The following PGBD5 variants were observed in gnomAD, a reference collection of about 807,000 sequenced individuals.
The protein encoded by PGBD5 is piggyBac transposable element-derived protein 5.
Under a neutral mutation model 47.9 loss-of-function variants are expected in PGBD5, and 14 were observed. The ratio of observed to expected loss-of-function variants is 0.29; its 90% CI spans 0.19 to 0.46. PGBD5 has a LOEUF of 0.46. PGBD5 is among the 20% of genes least tolerant of loss of function. The pLI, the probability that PGBD5 is intolerant of heterozygous loss-of-function variation, is 1.00. For missense variants in PGBD5, 635 were observed against 716.0 expected, an observed-to-expected ratio of 0.89 and a Z score of 1.29; for synonymous variants, 316 against 306.3, an observed-to-expected ratio of 1.03 and a Z score of -0.33.
At chr1:230,344,369 C>G (rs1393642554) in intron 3 of PGBD5, among the ~76,000 whole-genome samples, 1 of 152,152 alleles carries the variant, frequency 6.6e-6, no homozygotes, top group African/African-American at 2.4e-5. Flanking sequence ...TAATTTTAGG[C>G]AAGGCAGCAA....
chr1:230,357,314 G>T lies in PGBD5; in HGVS notation c.339C>A (p.Thr113=). ...PPRFEDTGGP[T]RKMPPSASAV... Reference sequence around the variant, plus strand: ...CACTGGCGCTGGGGGGCATCTTTCGGGTGGGACCTGAAACCCAAAGACAGG... The same window carrying T: ...CACTGGCGCTGGGGGGCATCTTTCGTGTGGGACCTGAAACCCAAAGACAGG... Residue 113 remains threonine (T), a synonymous_variant, in exon 2 of 7, where the codon ACC becomes ACA. Coordinates refer to ENST00000391860, the MANE Select transcript of PGBD5 (RefSeq NM_001258311.2). The surrounding 1 kb of genome is among the most constrained non-coding windows in gnomAD (Gnocchi z 5.7). 6.2e-7 allele frequency: 1 copy of T among 1,612,950 alleles called. No individual in the cohort carries two copies. Among genetic ancestry groups the T allele is most frequent in the Non-Finnish European group, 8.5e-7 (1 of 1,179,264 alleles).
intron 5 of PGBD5, among the ~76,000 whole-genome samples, chr1:230,326,677 T>C (rs1667122381): frequency 6.6e-6 from 1 of 152,106 alleles, no homozygotes; most frequent in South Asian, 2.1e-4. Context: ...GGTCTCACCA[T>C]GTTGCCTAGG....
At chr1:230,415,473 A>G (rs888265201) in intron 1 of PGBD5, among the ~76,000 whole-genome samples, 4 of 152,098 alleles carry the variant, frequency 2.6e-5, no homozygotes, top group African/African-American at 4.8e-5. Context: ...GACAGATTCC[A>G]TTTGCAGTTG....
intron 1 of PGBD5, among the ~76,000 whole-genome samples, chr1:230,391,360 A>G (rs543169949): frequency 6.6e-6 from 1 of 152,108 alleles, no homozygotes; most frequent in East Asian, 1.9e-4. Flanking sequence ...TTGCCCCCTC[A>G]TTTTCTCCCC....
At chr1:230,407,816 C>G (rs1657329841) in intron 1 of PGBD5, among the ~76,000 whole-genome samples, 1 of 152,140 alleles carries the variant, frequency 6.6e-6, no homozygotes, top group African/African-American at 2.4e-5. Context: ...AGAAATATCA[C>G]AAGTAAAAAT....
intron 5 of PGBD5, among the ~76,000 whole-genome samples, chr1:230,326,755 G>T (rs1667123728): frequency 6.6e-6 from 1 of 152,150 alleles, no homozygotes; most frequent in South Asian, 2.1e-4. Flanking sequence ...GATTACATGT[G>T]CGAGCCTCCA....
chr1:230,394,056 T>C (rs2102734622), intron 1 of PGBD5, among the ~76,000 whole-genome samples: 1 of 152,114 alleles, frequency 6.6e-6, no homozygotes, highest in African/African-American at 2.4e-5. Context: ...ATCCAAATTC[T>C]ACCTATGGCT....
intron 1 of PGBD5, among the ~76,000 whole-genome samples, chr1:230,414,448 T>A (rs11577278): frequency 0.044 from 6,732 of 152,354 alleles, 192 homozygotes; most frequent in Non-Finnish European, 0.064. Context: ...ATGTTTGTAT[T>A]TCTTCTCTGC....
chr1:230,425,693 G>C lies in PGBD5; in HGVS notation c.236C>G (p.Ala79Gly). 1 of 1,216,454 alleles carries C rather than the reference G, an allele frequency of 8.2e-7. No individual in the cohort carries two copies. The highest frequency in any genetic ancestry group is 1.0e-6 in the Non-Finnish European group (1 of 978,224). The allele number at this position is 1,216,454 out of a possible 1,614,324, so 75.4% of individuals were successfully genotyped here. A position where few individuals can be genotyped will look rare whatever the true frequency, so the allele number is the denominator to read the frequency against. Reference protein sequence around the residue: ...PPGAAPPPPRAPDAQEPEEDE... With the variant: ...PPGAAPPPPRGPDAQEPEEDE... ...CTCCTCCGGCTCCTGTGCGTCCGGGGCGCGGGGCGGTGGCGGGGCGGCCCC... is the reference window on the plus strand; with the variant it reads ...CTCCTCCGGCTCCTGTGCGTCCGGGCCGCGGGGCGGTGGCGGGGCGGCCCC... Residue 79 changes from alanine to glycine, a missense_variant, in exon 1 of 7, where the codon GCC becomes GGC. Transcript: ENST00000391860. The surrounding 1 kb of genome is among the most constrained non-coding windows in gnomAD (Gnocchi z 4.7).
At chr1:230,329,218 C>A (rs1410611298) in intron 5 of PGBD5, among the ~76,000 whole-genome samples, 1 of 152,084 alleles carries the variant, frequency 6.6e-6, no homozygotes, top group African/African-American at 2.4e-5. Context: ...CCCAACTTGG[C>A]CTCCAAAAGT....
chr1:230,357,449 C>T lies in PGBD5; in HGVS notation c.332-128G>A, dbSNP rs1667669877. 1 of 1,002,148 alleles carries T rather than the reference C, an allele frequency of 1.0e-6. No individual in the cohort carries two copies. Among genetic ancestry groups the T allele is most frequent in the Non-Finnish European group, 1.4e-6 (1 of 692,762 alleles). The allele number at this position is 1,002,148 out of a possible 1,614,324, so 62.1% of individuals were successfully genotyped here. A position where few individuals can be genotyped will look rare whatever the true frequency, so the allele number is the denominator to read the frequency against. On this transcript the variant is annotated intron_variant, in intron 1 of 6. Coordinates refer to ENST00000391860, the MANE Select transcript of PGBD5 (RefSeq NM_001258311.2). This position sits in a 1 kb window ranked among gnomAD's most constrained non-coding sequence, Gnocchi z 5.7. ...CCCCCGCTGCCTCCAGTGCTACCGCCTTCCCCTCCAACCTTCCAGAAGCTG... is the reference window on the plus strand; with the variant it reads ...CCCCCGCTGCCTCCAGTGCTACCGCTTTCCCCTCCAACCTTCCAGAAGCTG...
At chr1:230,340,031 T>C (rs1242815984) in intron 3 of PGBD5, among the ~76,000 whole-genome samples, 3 of 152,194 alleles carry the variant, frequency 2.0e-5, no homozygotes, top group African/African-American at 4.8e-5. Flanking sequence ...GTAATGCATA[T>C]GTCAGTTGGC....
At chr1:230,394,092 T>C (rs994593265) in intron 1 of PGBD5, among the ~76,000 whole-genome samples, 1 of 152,002 alleles carries the variant, frequency 6.6e-6, no homozygotes, top group Non-Finnish European at 1.5e-5. Context: ...CCCCATATCC[T>C]ATACTCATAT....
intron 3 of PGBD5, 86 bp downstream of exon 3, chr1:230,350,872 C>A: frequency 1.3e-6 from 2 of 1,541,984 alleles, no homozygotes; most frequent in Non-Finnish European, 1.7e-6. Flanking sequence ...TGAACAAGTT[C>A]TTGGGTATCA....
chr1:230,331,276 CG>C (rs1249566240), intron 5 of PGBD5, among the ~76,000 whole-genome samples: 2 of 151,910 alleles, frequency 1.3e-5, no homozygotes, highest in East Asian at 3.9e-4. Context: ...ATTAGCCGGG[CG>C]CAGCGGTATG....
chr1:230,323,397 C>G lies in PGBD5; in HGVS notation c.*28G>C. The G allele has an allele frequency of 6.2e-7, 1 of 1,602,246 alleles. No homozygotes were observed. Among genetic ancestry groups the G allele is most frequent in the Non-Finnish European group, 8.5e-7 (1 of 1,174,268 alleles). ...AGGCTCTCCTCCTCCTCTTGCCCCT[C>G]CCTTGACCGAGTCCTGCGCCCCCAG... On this transcript the variant is annotated 3_prime_UTR_variant, in exon 7 of 7. Coordinates refer to ENST00000391860, the MANE Select transcript of PGBD5 (RefSeq NM_001258311.2). This position sits in a 1 kb window ranked among gnomAD's most constrained non-coding sequence, Gnocchi z 4.1.
chr1:230,339,593 A>G (rs1667379842), intron 3 of PGBD5, among the ~76,000 whole-genome samples: 2 of 152,232 alleles, frequency 1.3e-5, no homozygotes, highest in South Asian at 2.1e-4. Context: ...AATCGCCAAG[A>G]TATGGAAACA....
chr1:230,359,578 G>A (rs558417387), intron 1 of PGBD5, among the ~76,000 whole-genome samples: 1 of 152,334 alleles, frequency 6.6e-6, no homozygotes, highest in Admixed American at 6.5e-5. Flanking sequence ...TAACTGCACA[G>A]TCTTAGAGGA....
At chr1:230,335,783 A>ATG (rs373644616) in intron 4 of PGBD5, among the ~76,000 whole-genome samples, 17 of 684 alleles carry the variant, frequency 0.025, 3 homozygotes, top group African/African-American at 0.037. Context: ...AGACACACAC[A>ATG]CACACACAGG....
Sources: gnomAD v4.1 joint callset for allele counts (sites outside exome capture counted in the v4.1 genomes callset) on GRCh38, gnomAD v4.1.1 for gene constraint, Gnocchi (gnomAD v3.1) non-coding constraint, MANE v1.5 for transcripts, NCBI Gene and HGNC (gene_info 2026-07-23, HGNC 2026-07-21) for gene names.